PAPLN: variants seen among roughly 807,000 people sequenced by gnomAD.
The protein encoded by PAPLN is papilin, proteoglycan like sulfated glycoprotein, also known as papilin.
Under a neutral mutation model 159.0 loss-of-function variants are expected in PAPLN, and 146 were observed. The ratio of observed to expected loss-of-function variants is 0.92; its 90% confidence interval spans 0.80 to 1.05. The LOEUF (loss-of-function observed/expected upper bound fraction) is 1.05. Ranked by LOEUF, PAPLN falls within the 50% of genes least tolerant of loss-of-function variation. PAPLN has a pLI of 0.00. For missense variants in PAPLN, 1,720 were observed against 1,743.9 expected, an observed-to-expected ratio of 0.99 and a Z score of 0.24; for synonymous variants, 734 against 702.9, an observed-to-expected ratio of 1.04 and a Z score of -0.70.
intron 5 of PAPLN, among the ~76,000 whole-genome samples, chr14:73,248,075 C>CTGTG (rs71112722): frequency 0.064 from 2,917 of 45,550 alleles, 343 homozygotes; most frequent in Middle Eastern, 0.08. Flanking sequence ...CTCATATCCT[C>CTGTG]TGTGTGTGTG....
rs1230358666 is a variant in PAPLN at position 73,266,208 on chromosome 14, C to G, written c.3264-293C>G. ...ACAAAAATAGCCAGGCGTGGTGGCA[C>G]ATGCCTGTAATCCCAGCTACTCGGG... On this transcript the variant is annotated intron_variant, in intron 23 of 26. Transcript: ENST00000644200. Among the ~76,000 whole-genome samples the G allele has an allele frequency of 3.9e-5, 6 of 152,270 alleles. No individual in the cohort carries two copies. In the East Asian group the frequency reaches 1.2e-3, roughly 29 times the overall value.
At position 73,265,374 on chromosome 14, in the gene PAPLN, C is replaced by A. The variant is rs1383833585; in HGVS notation, c.3130C>A (p.Arg1044Ser). 2.5e-6 allele frequency: 4 copies of A among 1,608,870 alleles called. No individual in the cohort carries two copies. The African/African-American group carries it at 5.3e-5, about 21-fold the overall frequency. The change falls in exon 23 of 27, where the codon CGT (arginine) becomes AGT (serine). Residue 1044 changes from arginine to serine, a missense_variant. Transcript: ENST00000644200. This position sits in a 1 kb window ranked among gnomAD's most constrained non-coding sequence, Gnocchi z 4.1. ...TGTGGGCTGCTTGTTTGGCAGGCTG[C>A]GTTTGGACCAGAACCAGCCCCGGGT... is the stretch of plus-strand genomic sequence containing the variant. The part of the protein sequence containing the change: ...SSHPQPANRL[R>S]LDQNQPRVVD...
Position 73,251,514 on chromosome 14 carries a change from G to A in PAPLN, c.618G>A (p.Met206Ile), listed in dbSNP as rs1325833427. ...ACAACCAGATCCTCATAGTTCCCAT[G>A]GGTGCCACCAGCATCCTCATCGACG... The part of the protein sequence containing the change: ...RGYNQILIVP[M>I]GATSILIDEA... Residue 206 changes from methionine (M) to isoleucine (I), a missense_variant, in exon 8 of 27, where the codon ATG becomes ATA. By Grantham distance (10) the Met-to-Ile change is conservative. Transcript: ENST00000644200. The A allele has an allele frequency of 1.2e-6, 2 of 1,610,334 alleles. No individual in the cohort carries two copies. Among genetic ancestry groups the A allele is most frequent in the Non-Finnish European group, 1.7e-6 (2 of 1,179,854 alleles).
chr14:73,249,014 C>T (rs1048245027), intron 5 of PAPLN, among the ~76,000 whole-genome samples: 9 of 151,902 alleles, frequency 5.9e-5, no homozygotes, highest in Non-Finnish European at 1.2e-4. Flanking sequence ...GCCTATAGTC[C>T]CAACTATTCG....
At chr14:73,269,563 G>A (rs138192106) in intron 26 of PAPLN, among the ~76,000 whole-genome samples, 2 of 152,206 alleles carry the variant, frequency 1.3e-5, no homozygotes, top group Non-Finnish European at 2.9e-5. Context: ...TGATGAAACA[G>A]ATTGTGGTTC....
At chr14:73,246,052 G>C in intron 4 of PAPLN, 21 bp from the exon 5 acceptor site, 1 of 1,520,046 alleles carries the variant, frequency 6.6e-7, no homozygotes, top group Non-Finnish European at 8.8e-7. Context: ...CCTGGATCCC[G>C]ACTTCCCCTC....
chr14:73,247,756 G>A (rs1348346415), intron 5 of PAPLN, among the ~76,000 whole-genome samples: 1 of 136,390 alleles, frequency 7.3e-6, no homozygotes, highest in Non-Finnish European at 1.6e-5. Flanking sequence ...GTGTTGTGCC[G>A]ATAGTGGCAG....
In PAPLN at chr14:73,263,668, C is replaced by T; in HGVS notation, c.2747C>T (p.Pro916Leu). The T allele has an allele frequency of 6.2e-7, 1 of 1,613,762 alleles. No homozygotes were observed. Among genetic ancestry groups the T allele is most frequent in the Admixed American group, 1.7e-5 (1 of 60,024 alleles). Residue 916 changes from proline (P) to leucine (L), a missense_variant, in exon 20 of 27, where the codon CCC (proline) becomes CTC (leucine). Transcript: ENST00000644200. ...AGGATTAGCTTGGCAGGTGTGGAGC[C>T]CTCGTTGGTGCAGGCAGCCCTGGGG... ...SYRISLAGVE[P>L]SLVQAALGQL...
chr14:73,256,622 C>G (rs374836062), intron 14 of PAPLN, among the ~76,000 whole-genome samples: 2 of 150,688 alleles, frequency 1.3e-5, no homozygotes, highest in South Asian at 2.1e-4. Context: ...TCCCTGGGGG[C>G]TGGATGCAAC....
At chr14:73,269,615 G>C (rs1980413) in intron 26 of PAPLN, among the ~76,000 whole-genome samples, 28,180 of 152,232 alleles carry the variant, frequency 0.19, 2,700 homozygotes, top group African/African-American at 0.21. Flanking sequence ...TAAGCAGGAG[G>C]GAAAGGGGGA....
chr14:73,263,059 T>C lies in PAPLN; in HGVS notation c.2723+232T>C, dbSNP rs1332354421. 8 of 419,870 alleles carry C rather than the reference T, an allele frequency of 1.9e-5. No individual in the cohort carries two copies. In the Admixed American group the frequency reaches 2.8e-4, roughly 15 times the overall value. 26.0% of individuals were successfully genotyped at this position (419,870 alleles called of 1,614,324 possible). A position where few individuals can be genotyped will look rare whatever the true frequency, so the allele number is the denominator to read the frequency against. ...AATAGACATCTGTGCAGATGGTGGC[T>C]CCGGGGTTCTCCATCAGATCTCGCC... On this transcript the variant is annotated intron_variant, in intron 19 of 26. Coordinates refer to ENST00000644200, the MANE Select transcript of PAPLN (RefSeq NM_001365906.3).
chr14:73,246,050 C>T (rs1248594522), intron 4 of PAPLN, 23 bp from the exon 5 acceptor site: 1 of 1,519,218 alleles, frequency 6.6e-7, no homozygotes. Flanking sequence ...CTCCTGGATC[C>T]CGACTTCCCC....
rs572179294 is a variant in PAPLN, at chr14:73,267,971, G to A, written c.3501-586G>A. 3.4e-4 allele frequency among the ~76,000 whole-genome samples: 51 copies of A among 152,142 alleles called. 1 individual carries two copies. The South Asian group carries it at 3.9e-3, about 12-fold the overall frequency. Reference sequence around the variant, plus strand: ...CTCACTTCTCAGGGCCTGCAGTGGGGCCGCATGTCAGCCCCTGTTCCAGGA... The same window carrying A: ...CTCACTTCTCAGGGCCTGCAGTGGGACCGCATGTCAGCCCCTGTTCCAGGA... On this transcript the variant is annotated intron_variant, in intron 25 of 26. Coordinates refer to ENST00000644200, the MANE Select transcript of PAPLN (RefSeq NM_001365906.3).
chr14:73,264,235 C>A lies in PAPLN; in HGVS notation c.2886C>A (p.Ser962=). 3 of 1,613,990 alleles carry A rather than the reference C, an allele frequency of 1.9e-6. No homozygotes were observed. The highest frequency in any genetic ancestry group is 2.2e-5 in the East Asian group (1 of 44,870). The part of the protein sequence containing the change: ...SDRHRLQFDG[S]LIIHPLQAED... Reference sequence around the variant, plus strand: ...GGCACAGGCTGCAGTTCGACGGATCCCTGATCATCCACCCCCTGCAGGCAG... The same window carrying A: ...GGCACAGGCTGCAGTTCGACGGATCACTGATCATCCACCCCCTGCAGGCAG... The change falls in exon 21 of 27, where the codon TCC becomes TCA. Residue 962 remains serine (S), a synonymous_variant. Coordinates refer to ENST00000644200, the MANE Select transcript of PAPLN (RefSeq NM_001365906.3).
chr14:73,263,925 C>A, intron 20 of PAPLN, 143 bp downstream of exon 20: 1 of 1,190,442 alleles, frequency 8.4e-7, no homozygotes, highest in Admixed American at 2.1e-5. Context: ...TGACAGCCCC[C>A]CTACCCCCTC....
At chr14:73,251,388 T>G in intron 7 of PAPLN, 98 bp from the exon 8 acceptor site, 1 of 1,273,244 alleles carries the variant, frequency 7.9e-7, no homozygotes, top group Non-Finnish European at 1.1e-6. Context: ...GTACCCTCCC[T>G]GCCCCCATTC....
intron 20 of PAPLN, 156 bp downstream of exon 20, chr14:73,263,938 A>G: frequency 3.2e-6 from 3 of 942,226 alleles, no homozygotes; most frequent in Admixed American, 2.9e-5. Context: ...ACCCCCTCTG[A>G]CAGGTGTGTG....
rs1011277835 is a variant in PAPLN at position 73,254,625 on chromosome 14, C to G, written c.1415C>G (p.Thr472Ser). 1.9e-6 allele frequency: 3 copies of G among 1,614,090 alleles called. No homozygotes were observed. In the East Asian group the frequency reaches 6.7e-5, roughly 36 times the overall value. ...TCCTTGGAAGACCGGCCACCTCTGA[C>G]TGAGCCCTGTGTGCATGAGGACTGC... ...ACSLEDRPPL[T>S]EPCVHEDCPL... The change falls in exon 13 of 27, where the codon ACT becomes AGT. Residue 472 changes from threonine (T) to serine (S), a missense_variant. Thr to Ser is a moderately conservative substitution (Grantham distance 58). Transcript: ENST00000644200.
At chr14:73,258,618 T>TTAAAAAAAAA (rs1886187433) in intron 14 of PAPLN, among the ~76,000 whole-genome samples, 2 of 75,788 alleles carry the variant, frequency 2.6e-5, no homozygotes, top group African/African-American at 5.3e-5. Flanking sequence ...ACCCTATCTC[T>TTAAAAAAAAA]AAAAAAAAAA....
Sources: gnomAD v4.1 joint callset for allele counts (sites outside exome capture counted in the v4.1 genomes callset) on GRCh38, gnomAD v4.1.1 for gene constraint, Gnocchi (gnomAD v3.1) non-coding constraint, MANE v1.5 for transcripts, NCBI Gene and HGNC (gene_info 2026-07-23, HGNC 2026-07-21) for gene names.